The following OASL variants were observed in gnomAD, a reference collection of about 807,000 sequenced individuals.
OASL encodes 2'-5'-oligoadenylate synthetase like, also known as 2'-5'-oligoadenylate synthase-like protein.
OASL carries 28 observed loss-of-function variants against 35.3 expected under a neutral mutation model. The ratio of observed to expected loss-of-function variants is 0.79; its 90% CI spans 0.59 to 1.09. OASL has a LOEUF of 1.09. Among genes scored for constraint, OASL ranks in the 50% least tolerant of loss-of-function variants. The probability of loss-of-function intolerance (pLI) is 0.00; values close to 1 mark genes in which losing one functional copy is unlikely to be tolerated. For synonymous variants in OASL, 252 were observed against 254.6 expected (o/e 0.99, Z 0.10); for missense variants, 620 against 635.2 (o/e 0.98, Z 0.26).
exon 3 of OASL, chr12:121,031,546 C>T: frequency 6.2e-7 from 1 of 1,614,016 alleles, no homozygotes; most frequent in Non-Finnish European, 8.5e-7. Context: ...CAGAAATTTC[C>T]AGGACCACCG....
At chr12:121,036,991 C>A (rs140322340) in intron 1 of OASL, among the ~76,000 whole-genome samples, 1 of 152,056 alleles carries the variant, frequency 6.6e-6, no homozygotes, top group Non-Finnish European at 1.5e-5. Flanking sequence ...AAGGAAGAAG[C>A]GAAGAGTCTG....
chr12:121,018,459 A>G (rs1265986224), downstream of OASL, among the ~76,000 whole-genome samples: 2 of 146,614 alleles, frequency 1.4e-5, no homozygotes, highest in Admixed American at 6.8e-5. Flanking sequence ...ACCGGGCCCA[A>G]GGAGGGAGGG....
At chr12:121,031,408 C>G in intron 3 of OASL, 34 bp downstream of exon 3, 1 of 1,606,162 alleles carries the variant, frequency 6.2e-7, no homozygotes, top group South Asian at 1.1e-5. Context: ...CCTCTTCCCT[C>G]TCCTTGCCCC....
Position 121,024,136 on chromosome 12 carries a change from G to A in OASL, c.901C>T (p.Pro301Ser), listed in dbSNP as rs371837561. 7.4e-6 allele frequency: 12 copies of A among 1,613,602 alleles called. No individual in the cohort carries two copies. Among genetic ancestry groups the A allele is most frequent in the African/African-American group, 1.3e-5 (1 of 74,880 alleles). ...GGGTCGGCCGGATCCAGGATGATGG[G>A]CCTGTAACACAGGAAAAGGGTGCCC... Residue 301 changes from proline (P) to serine (S), a missense_variant and splice_region_variant, in exon 5 of 6, where the codon CCC becomes TCC. Transcript: ENST00000257570.
intron 3 of OASL, 118 bp downstream of exon 3, chr12:121,031,324 C>A: frequency 1.1e-6 from 1 of 930,284 alleles, no homozygotes. Flanking sequence ...GCATTCTCTC[C>A]CTCTCTACCT....
At chr12:121,029,854 C>T (rs1464052019) in intron 3 of OASL, among the ~76,000 whole-genome samples, 2 of 152,040 alleles carry the variant, frequency 1.3e-5, no homozygotes, top group Admixed American at 6.6e-5. Flanking sequence ...ATGTTACATT[C>T]TTAAAACTTA....
intron 4 of OASL, among the ~76,000 whole-genome samples, chr12:121,026,229 G>T (rs546224660): frequency 6.6e-6 from 1 of 152,256 alleles, no homozygotes; most frequent in East Asian, 1.9e-4. Flanking sequence ...ATGCTTTCTC[G>T]ATTTTTCTGG....
At chr12:121,027,666 T>C (rs1306574817) in exon 4 of OASL, 3 of 1,614,232 alleles carry the variant, frequency 1.9e-6, no homozygotes, top group Admixed American at 1.7e-5. Context: ...GATGACTTCA[T>C]ACTCCAGGAG....
At chr12:121,020,615 A>G (rs779426106) in exon 6 of OASL, 2 of 1,613,226 alleles carry the variant, frequency 1.2e-6, no homozygotes, top group Admixed American at 3.3e-5. Context: ...TGAGAGTGTC[A>G]CTGTCTTGGA....
At chr12:121,036,193 A>G (rs1165817364) in intron 1 of OASL, among the ~76,000 whole-genome samples, 1 of 152,156 alleles carries the variant, frequency 6.6e-6, no homozygotes, top group Non-Finnish European at 1.5e-5. Context: ...TCCCACTGGT[A>G]AGATCCAGGC....
intron 5 of OASL, 71 bp from the exon 6 acceptor site, chr12:121,021,129 A>G: frequency 7.0e-7 from 1 of 1,425,950 alleles, no homozygotes; most frequent in Non-Finnish European, 9.3e-7. Flanking sequence ...TGTTCCCTTC[A>G]TCTGTCCTTA....
intron 3 of OASL, among the ~76,000 whole-genome samples, chr12:121,030,603 C>A (rs1378697033): frequency 6.6e-6 from 1 of 151,596 alleles, no homozygotes; most frequent in Non-Finnish European, 1.5e-5. Context: ...TCTCTGAGTT[C>A]TGTTTTGCAG....
exon 3 of OASL, chr12:121,031,577 A>G (rs1351464985): frequency 6.2e-7 from 1 of 1,614,066 alleles, no homozygotes. Flanking sequence ...TCAGGCTCAC[A>G]TAGACCTCAG....
At chr12:121,026,123 C>A (rs1392401030) in intron 4 of OASL, among the ~76,000 whole-genome samples, 1 of 152,010 alleles carries the variant, frequency 6.6e-6, no homozygotes, top group African/African-American at 2.4e-5. Context: ...CAGAGGGGAG[C>A]CGGACAGGTG....
At chr12:121,030,421 G>A (rs759423766) in intron 3 of OASL, among the ~76,000 whole-genome samples, 2 of 151,970 alleles carry the variant, frequency 1.3e-5, no homozygotes, top group African/African-American at 2.4e-5. Flanking sequence ...AGCCAGGATG[G>A]TCTCGATCTC....
At chr12:121,027,840 A>G in intron 3 of OASL, 23 bp from the exon 4 acceptor site, 1 of 1,435,950 alleles carries the variant, frequency 7.0e-7, no homozygotes, top group Non-Finnish European at 9.7e-7. Context: ...ATGGGAAGAC[A>G]GAGAGAGAGA....
At chr12:121,035,062 C>G (rs1042679733) in intron 1 of OASL, among the ~76,000 whole-genome samples, 4 of 151,784 alleles carry the variant, frequency 2.6e-5, no homozygotes, top group African/African-American at 9.7e-5. Context: ...GCATCAGACC[C>G]CCAGAAGGCT....
intron 3 of OASL, 40 bp from the exon 4 acceptor site, chr12:121,027,857 AAG>A: frequency 1.3e-6 from 2 of 1,553,716 alleles, no homozygotes; most frequent in Non-Finnish European, 1.8e-6. Flanking sequence ...GAGAGACCCT[AAG>A]ATTCTGTGTA....
intron 3 of OASL, among the ~76,000 whole-genome samples, chr12:121,031,085 T>C (rs1869709813): frequency 6.6e-6 from 1 of 151,784 alleles, no homozygotes; most frequent in Non-Finnish European, 1.5e-5. Context: ...TCCAGGGAGG[T>C]GGAGGCTACA....
Sources: allele counts gnomAD v4.1 joint callset (sites outside exome capture counted in the v4.1 genomes callset), GRCh38; gene constraint gnomAD v4.1.1; transcripts MANE v1.5; gene names NCBI Gene and HGNC (gene_info 2026-07-23, HGNC 2026-07-21).